The following TTC6 variants were observed in gnomAD, a reference collection of about 807,000 sequenced individuals.
TTC6 encodes the protein tetratricopeptide repeat domain 6.
In TTC6, 172 loss-of-function variants were observed where a neutral mutation model predicts 210.4. The observed-to-expected ratio is 0.82, with a 90% confidence interval of 0.72 to 0.93. The LOEUF (loss-of-function observed/expected upper bound fraction) is 0.93, where lower values mean the gene tolerates loss of function less well. TTC6 is among the 40% of genes least tolerant of loss of function. The pLI, the probability that TTC6 is intolerant of heterozygous loss-of-function variation, is 0.00. For missense variants in TTC6, 2,414 were observed against 2,318.1 expected, an observed-to-expected ratio of 1.04 and a Z score of -0.85; for synonymous variants, 804 against 819.6, an observed-to-expected ratio of 0.98 and a Z score of 0.32.
At chr14:37,747,148 C>A (rs2139006186) in intron 10 of TTC6, among the ~76,000 whole-genome samples, 1 of 152,264 alleles carries the variant, frequency 6.6e-6, no homozygotes, top group Non-Finnish European at 1.5e-5. Flanking sequence ...TCATTCCCTG[C>A]TAACACTGGT....
upstream of TTC6, among the ~76,000 whole-genome samples, chr14:37,617,126 T>C (rs2095644114): frequency 6.6e-6 from 1 of 152,182 alleles, no homozygotes; most frequent in Non-Finnish European, 1.5e-5. Flanking sequence ...TTCTCCCTTC[T>C]TGGCCTCCCA....
At chr14:37,606,551 G>T (rs192924975) in intron 1 of TTC6, 112 bp from the exon 2 acceptor site, 1 of 167,040 alleles carries the variant, frequency 6.0e-6, no homozygotes. Flanking sequence ...CTTTTCCCCC[G>T]TTGCCCCTTC....
intron 26 of TTC6, among the ~76,000 whole-genome samples, chr14:37,820,659 G>A (rs1231137885): frequency 6.6e-6 from 1 of 152,118 alleles, no homozygotes; most frequent in East Asian, 1.9e-4. Flanking sequence ...TATAAGAGAA[G>A]GGGATTTCCC....
At chr14:37,624,973 A>G (rs1213987027) in intron 1 of TTC6, among the ~76,000 whole-genome samples, 1 of 151,946 alleles carries the variant, frequency 6.6e-6, no homozygotes, top group Non-Finnish European at 1.5e-5. Context: ...TTTATGTCGG[A>G]GAGTGGCATG....
chr14:37,743,733 GGACCC>G (rs2095927911), intron 10 of TTC6, among the ~76,000 whole-genome samples: 3 of 152,168 alleles, frequency 2.0e-5, no homozygotes, highest in African/African-American at 7.2e-5. Flanking sequence ...TAGGTTTAGA[GGACCC>G]CTCATTCAAC....
chr14:37,663,820 T>G (rs1003813653), intron 1 of TTC6, among the ~76,000 whole-genome samples: 21 of 152,162 alleles, frequency 1.4e-4, no homozygotes, highest in Admixed American at 2.6e-4. Flanking sequence ...GGACACAAAA[T>G]CAGTGTGCAA....
At chr14:37,689,570 G>A (rs28854835) in intron 3 of TTC6, among the ~76,000 whole-genome samples, 1,673 of 152,168 alleles carry the variant, frequency 0.011, 27 homozygotes, top group African/African-American at 0.038. Context: ...TTCAAAAACA[G>A]CAAGAGAAAA....
chr14:37,621,388 T>A (rs543580195), upstream of TTC6, among the ~76,000 whole-genome samples: 1 of 152,280 alleles, frequency 6.6e-6, no homozygotes, highest in South Asian at 2.1e-4. Context: ...GGTGGGAGGA[T>A]GGCATGAGCC....
At chr14:37,604,676 A>T (rs1206232188) in intron 1 of TTC6, among the ~76,000 whole-genome samples, 1 of 152,012 alleles carries the variant, frequency 6.6e-6, no homozygotes, top group Admixed American at 6.6e-5. Flanking sequence ...CCCGGGAAGG[A>T]GAGGGGAGAT....
chr14:37,705,924 G>A lies in TTC6; in HGVS notation c.1571+4398G>A, dbSNP rs149481758. ...CTCAAAGTATAGTCCGCAGACTAGC[G>A]GCATCACCATCACCTGGGAACTTGT... is the stretch of plus-strand genomic sequence containing the variant. On this transcript the variant is annotated intron_variant, in intron 5 of 30. Transcript: ENST00000553443. 3.9e-5 allele frequency among the ~76,000 whole-genome samples: 6 copies of A among 152,152 alleles called. No individual in the cohort carries two copies. The East Asian group carries it at 7.8e-4, about 20-fold the overall frequency.
chr14:37,723,616 A>G (rs1259625300), intron 6 of TTC6, among the ~76,000 whole-genome samples: 2 of 152,188 alleles, frequency 1.3e-5, no homozygotes, highest in African/African-American at 2.4e-5. Flanking sequence ...GCACGTGCAT[A>G]GAAGTATCAG....
At position 37,807,600 on chromosome 14, in the gene TTC6, A is replaced by G. The variant is rs972300092; in HGVS notation, c.4455+140A>G. On this transcript the variant is annotated intron_variant, in intron 23 of 30. Coordinates refer to ENST00000553443, the Ensembl canonical transcript of TTC6. ...AGGGCAGAACTACATAGAAAACTTT[A>G]CACTTTCCCAATTCATATTTTTTTC... 9 of 567,450 alleles carry G rather than the reference A, an allele frequency of 1.6e-5. No individual in the cohort carries two copies. In the Admixed American group the frequency reaches 2.4e-4, roughly 15 times the overall value. The allele number at this position is 567,450 out of a possible 1,614,324, so 35.2% of individuals were successfully genotyped here.
At chr14:37,771,660 C>A (rs1011112373) in intron 14 of TTC6, among the ~76,000 whole-genome samples, 1 of 152,122 alleles carries the variant, frequency 6.6e-6, no homozygotes, top group Admixed American at 6.5e-5. Flanking sequence ...TCCATCAGCT[C>A]CTTTAAGCAC....
At chr14:37,629,638 A>G (rs2139332848) in intron 1 of TTC6, among the ~76,000 whole-genome samples, 1 of 152,226 alleles carries the variant, frequency 6.6e-6, no homozygotes, top group South Asian at 2.1e-4. Context: ...AACTTCCAAT[A>G]CTATGTTGAA....
intron 1 of TTC6, among the ~76,000 whole-genome samples, chr14:37,661,082 A>C (rs574198621): frequency 1.3e-5 from 2 of 152,170 alleles, no homozygotes; most frequent in Non-Finnish European, 2.9e-5. Context: ...GATTCTGGAT[A>C]TTAAACCTTT....
chr14:37,749,171 G>C, exon 11 of TTC6: 1 of 1,535,140 alleles, frequency 6.5e-7, no homozygotes, highest in Non-Finnish European at 8.7e-7. Flanking sequence ...TAAAATATCA[G>C]TTCCTGAAGA....
At chr14:37,659,544 T>C (rs1255646413) in intron 1 of TTC6, among the ~76,000 whole-genome samples, 1 of 141,722 alleles carries the variant, frequency 7.1e-6, no homozygotes, top group Non-Finnish European at 1.6e-5. Flanking sequence ...ATTTTAATTT[T>C]GAGATGGAGT....
At chr14:37,822,044 G>A (rs1206902677) in intron 26 of TTC6, among the ~76,000 whole-genome samples, 3 of 151,928 alleles carry the variant, frequency 2.0e-5, no homozygotes, top group African/African-American at 7.3e-5. Flanking sequence ...CTCCCAAAGT[G>A]CTGTGATTAC....
At chr14:37,824,032 G>T in intron 27 of TTC6, 75 bp downstream of exon 29, 1 of 1,283,898 alleles carries the variant, frequency 7.8e-7, no homozygotes, top group South Asian at 1.3e-5. Context: ...TCCTGGCAAT[G>T]GGAGTATATG....
Sources: allele counts gnomAD v4.1 joint callset (sites outside exome capture counted in the v4.1 genomes callset), GRCh38; gene constraint gnomAD v4.1.1; transcripts MANE v1.5; gene names NCBI Gene and HGNC (gene_info 2026-07-23, HGNC 2026-07-21).